CLSTN3: variants seen among roughly 807,000 people sequenced by gnomAD.
CLSTN3 encodes the protein calsyntenin-3.
Under a neutral mutation model 95.9 loss-of-function variants are expected in CLSTN3, and 36 were observed. The ratio of observed to expected loss-of-function variants is 0.38; its 90% CI spans 0.29 to 0.50. The LOEUF (loss-of-function observed/expected upper bound fraction) is 0.50, where lower values mean the gene tolerates loss of function less well. Ranked by LOEUF, CLSTN3 falls within the 20% of genes least tolerant of loss-of-function variation. The pLI, the probability that CLSTN3 is intolerant of heterozygous loss-of-function variation, is 0.95. For missense variants in CLSTN3, 1,084 were observed against 1,268.8 expected (o/e 0.85, Z 2.21); for synonymous variants, 481 against 504.0 (o/e 0.95, Z 0.61).
Position 7,133,570 on chromosome 12 carries a change from C to T in CLSTN3, c.188-3C>T. 1 of 1,613,804 alleles carries T rather than the reference C, an allele frequency of 6.2e-7. No individual in the cohort carries two copies. Among genetic ancestry groups the T allele is most frequent in the Non-Finnish European group, 8.5e-7 (1 of 1,179,874 alleles). On this transcript the variant is annotated splice_region_variant and splice_polypyrimidine_tract_variant and intron_variant, in intron 2 of 17. Transcript: ENST00000266546. This position sits in a 1 kb window ranked among gnomAD's most constrained non-coding sequence, Gnocchi z 4.7. The stretch of plus-strand genomic sequence containing the variant: ...TCACTCCTCCCCTTCTCCCCTTTGC[C>T]AGGTGAGATCTGCGGCTTCCGGCTC...
chr12:7,142,752 C>A, intron 10 of CLSTN3, 117 bp from the exon 11 acceptor site: 3 of 562,502 alleles, frequency 5.3e-6, no homozygotes, highest in Non-Finnish European at 8.1e-6. Flanking sequence ...CACATTTCTC[C>A]TTTTTTTCTT....
At chr12:7,154,770 A>G (rs1028576168) in intron 16 of CLSTN3, among the ~76,000 whole-genome samples, 1 of 152,222 alleles carries the variant, frequency 6.6e-6, no homozygotes, top group African/African-American at 2.4e-5. Context: ...AGCTTTGCAG[A>G]AAGAGTTACA....
Position 7,135,453 on chromosome 12 carries a change from C to T in CLSTN3, c.510C>T (p.Asp170=), listed in dbSNP as rs149152741. 52 of 1,614,130 alleles carry T rather than the reference C, an allele frequency of 3.2e-5. No homozygotes were observed. The highest frequency in any genetic ancestry group is 3.3e-4 in the Middle Eastern group (2 of 6,062). ...GCATCCTGCGGGTGGAAGCCATTGACGGTGACTGCTCCCCCCAGTACAGCC... is the reference window on the plus strand; with the variant it reads ...GCATCCTGCGGGTGGAAGCCATTGATGGTGACTGCTCCCCCCAGTACAGCC... The part of the protein sequence containing the change: ...YDRILRVEAI[D]GDCSPQYSQI... The change falls in exon 4 of 18, where the codon GAC becomes GAT. Residue 170 remains aspartate (D), a synonymous_variant. Transcript: ENST00000266546.
chr12:7,136,848 G>T lies in CLSTN3; in HGVS notation c.948G>T (p.Val316=). The T allele has an allele frequency of 6.2e-7, 1 of 1,614,032 alleles. No homozygotes were observed. The highest frequency in any genetic ancestry group is 1.1e-5 in the South Asian group (1 of 91,080). ...CCACAGGTGCTGCCACTGGGGAGGTGGATCTGTTGCCCATGCCTGGCCCCA... is the reference window on the plus strand; with the variant it reads ...CCACAGGTGCTGCCACTGGGGAGGTTGATCTGTTGCCCATGCCTGGCCCCA... ...RKLCGAATGE[V]DLLPMPGPNA... The change falls in exon 7 of 18, where the codon GTG becomes GTT. Residue 316 remains valine (V), a synonymous_variant. Transcript: ENST00000266546.
In CLSTN3 at chr12:7,141,840, G is replaced by C. The variant is rs966372545; in HGVS notation, c.1487-246G>C. 6.6e-6 allele frequency among the ~76,000 whole-genome samples: 1 copy of C among 152,156 alleles called. No homozygotes were observed. The highest frequency in any genetic ancestry group is 1.5e-5 in the Non-Finnish European group (1 of 68,030). ...GCCTGTCTGTCTTACCAGAGCCCAC[G>C]TGTTTCCTCAGCAGCATATCGTATT... On this transcript the variant is annotated intron_variant, in intron 9 of 17. Transcript: ENST00000266546. This position sits in a 1 kb window ranked among gnomAD's most constrained non-coding sequence, Gnocchi z 4.1.
At chr12:7,135,224 A>G in intron 3 of CLSTN3, 103 bp from the exon 4 acceptor site, 2 of 1,072,564 alleles carry the variant, frequency 1.9e-6, no homozygotes, top group African/African-American at 1.5e-5. Context: ...GATGTACCGT[A>G]TCGAGGCTGT....
At chr12:7,146,796 G>A (rs1023427289) in intron 12 of CLSTN3, among the ~76,000 whole-genome samples, 2 of 152,138 alleles carry the variant, frequency 1.3e-5, no homozygotes, top group African/African-American at 4.8e-5. Context: ...CCAGACCAGC[G>A]GCACAGCACA....
rs754235442 is a variant in CLSTN3 at position 7,157,475 on chromosome 12, C to T, written c.2528-14C>T. 5.1e-6 allele frequency: 8 copies of T among 1,554,444 alleles called. No homozygotes were observed. Among genetic ancestry groups the T allele is most frequent in the Non-Finnish European group, 5.2e-6 (6 of 1,148,480 alleles). On this transcript the variant is annotated splice_polypyrimidine_tract_variant and intron_variant, in intron 16 of 17. Transcript: ENST00000266546. This position sits in a 1 kb window ranked among gnomAD's most constrained non-coding sequence, Gnocchi z 5.9. Reference sequence around the variant, plus strand: ...CCTAGTCACGCTCTGCTCACCCCCGCGCTCTCTCTGCAGTGATACCCAGCG... The same window carrying T: ...CCTAGTCACGCTCTGCTCACCCCCGTGCTCTCTCTGCAGTGATACCCAGCG...
rs1265637409 is a variant in CLSTN3 at position 7,143,046 on chromosome 12, C to T, written c.1698+20C>T. On this transcript the variant is annotated intron_variant, in intron 11 of 17. Coordinates refer to ENST00000266546, the MANE Select transcript of CLSTN3 (RefSeq NM_014718.4). ...ATGAAGGTATTGCCCCATCCTCTAGCCCTGTTCTTCCCAGCATGCCCCTTG... is the reference window on the plus strand; with the variant it reads ...ATGAAGGTATTGCCCCATCCTCTAGTCCTGTTCTTCCCAGCATGCCCCTTG... 9 of 1,606,138 alleles carry T rather than the reference C, an allele frequency of 5.6e-6. No homozygotes were observed. In the African/African-American group the frequency reaches 1.2e-4, roughly 21 times the overall value.
Position 7,135,839 on chromosome 12 carries a change from G to A in CLSTN3, c.628G>A (p.Gly210Ser). ...IENTEKLQYS[G>S]ERLYKFTVTA... ...GAACACAGAGAAGCTGCAGTACAGT[G>A]GTGAGAGGCTCTATAAGTTTACAGT... Residue 210 changes from glycine to serine, a missense_variant, in exon 5 of 18, where the codon GGT becomes AGT. Transcript: ENST00000266546. 1 of 1,613,582 alleles carries A rather than the reference G, an allele frequency of 6.2e-7. No homozygotes were observed. Among genetic ancestry groups the A allele is most frequent in the Non-Finnish European group, 8.5e-7 (1 of 1,179,690 alleles).
intron 12 of CLSTN3, among the ~76,000 whole-genome samples, chr12:7,148,751 T>C (rs1365978753): frequency 6.6e-6 from 1 of 152,242 alleles, no homozygotes; most frequent in African/African-American, 2.4e-5. Flanking sequence ...CCTTCTGTCC[T>C]CGACATTTTC....
intron 8 of CLSTN3, chr12:7,138,680 A>G (rs759563688): frequency 6.6e-6 from 1 of 152,150 alleles, no homozygotes; most frequent in Non-Finnish European, 1.5e-5. Flanking sequence ...TGGATAAAAT[A>G]TTTAAAATCC....
At chr12:7,131,264 T>C (rs1007411213) in intron 1 of CLSTN3, 3 of 208,470 alleles carry the variant, frequency 1.4e-5, no homozygotes, top group Admixed American at 1.1e-4. Flanking sequence ...AGCTGCCCTC[T>C]CTGGCAGACA....
intron 4 of CLSTN3, 27 bp downstream of exon 4, chr12:7,135,562 CA>C (rs757704345): frequency 3.1e-6 from 5 of 1,608,284 alleles, no homozygotes; most frequent in Non-Finnish European, 4.3e-6. Context: ...CTTCCCTGGC[CA>C]CCCAGTTCCC....
rs1370506708 is a variant in CLSTN3 at position 7,158,772 on chromosome 12, TGTC to T, written c.*694_*696del. ...TATATAATGTATATTTTTTCAATGT[TGTC>T]GTGAGTGCAGCCCATGTTCCTGCGT... On this transcript the variant is annotated 3_prime_UTR_variant, in exon 18 of 18. Coordinates refer to ENST00000266546, the MANE Select transcript of CLSTN3 (RefSeq NM_014718.4). 2.0e-5 allele frequency: 3 copies of T among 149,146 alleles called. No individual in the cohort carries two copies. The highest frequency in any genetic ancestry group is 4.4e-5 in the Non-Finnish European group (3 of 67,522). 9.2% of individuals were successfully genotyped at this position (149,146 alleles called of 1,614,324 possible).
Position 7,133,127 on chromosome 12 carries a change from T to C in CLSTN3, c.168T>C (p.Asp56=). ...LNPPLFALDK[D]APLRYAGEIC... is the part of the protein sequence containing the mutation. ...CACCACTCTTTGCCTTGGACAAGGATGCCCCGCTGCGCTATGCAGGTAATT... is the reference window on the plus strand; with the variant it reads ...CACCACTCTTTGCCTTGGACAAGGACGCCCCGCTGCGCTATGCAGGTAATT... The change falls in exon 2 of 18, where the codon GAT becomes GAC. Residue 56 remains aspartate (D), a synonymous_variant. Transcript: ENST00000266546. The surrounding 1 kb of genome is among the most constrained non-coding windows in gnomAD (Gnocchi z 4.7). The C allele has an allele frequency of 1.3e-6, 2 of 1,592,840 alleles. No individual in the cohort carries two copies. The highest frequency in any genetic ancestry group is 1.1e-5 in the South Asian group (1 of 90,838).
Position 7,135,519 on chromosome 12 carries a change from C to G in CLSTN3, c.576C>G (p.Phe192Leu). 6.2e-7 allele frequency: 1 copy of G among 1,614,134 alleles called. No individual in the cohort carries two copies. The highest frequency in any genetic ancestry group is 1.1e-5 in the South Asian group (1 of 91,086). The change falls in exon 4 of 18, where the codon TTC becomes TTG. Residue 192 changes from phenylalanine (F) to leucine (L), a missense_variant. Phe to Leu is a conservative substitution (Grantham distance 22). Transcript: ENST00000266546. ...YYEILTPNTP[F>L]LIDNDGNIEN... ...AGATTCTCACACCCAACACCCCTTT[C>G]CTCATTGACAATGACGGTGAGTCCA...
At position 7,141,177 on chromosome 12, in the gene CLSTN3, G is replaced by A; in HGVS notation, c.1324-65G>A. The A allele has an allele frequency of 4.6e-6, 7 of 1,536,232 alleles. No individual in the cohort carries two copies. Among genetic ancestry groups the A allele is most frequent in the Non-Finnish European group, 6.2e-6 (7 of 1,127,336 alleles). ...CCTGTCTCCCAGGAGATGGGGCAGT[G>A]CCTAGGGTTAGCTCTCTGAAGACGA... On this transcript the variant is annotated intron_variant, in intron 8 of 17. Coordinates refer to ENST00000266546, the MANE Select transcript of CLSTN3 (RefSeq NM_014718.4). The surrounding 1 kb of genome is among the most constrained non-coding windows in gnomAD (Gnocchi z 4.1).
At chr12:7,152,492 G>A (rs74941144) in intron 16 of CLSTN3, among the ~76,000 whole-genome samples, 2,096 of 152,158 alleles carry the variant, frequency 0.014, 61 homozygotes, top group African/African-American at 0.048. Flanking sequence ...GCCATAGATC[G>A]GTCACCTTTG....
Sources: gnomAD v4.1 joint callset for allele counts (sites outside exome capture counted in the v4.1 genomes callset) on GRCh38, gnomAD v4.1.1 for gene constraint, Gnocchi (gnomAD v3.1) non-coding constraint, MANE v1.5 for transcripts, NCBI Gene and HGNC (gene_info 2026-07-23, HGNC 2026-07-21) for gene names.